USP34: variants seen among roughly 807,000 people sequenced by gnomAD.
USP34 encodes ubiquitin carboxyl-terminal hydrolase 34.
USP34 carries 70 observed loss-of-function variants against 460.3 expected under a neutral mutation model. That is an observed-to-expected ratio of 0.15 (90% CI 0.13 to 0.19). USP34 has a LOEUF of 0.19. USP34 is among the 10% of genes least tolerant of loss of function. USP34 has a pLI of 1.00. For synonymous variants in USP34, 1,647 were observed against 1,405.3 expected (o/e 1.17, Z -3.85); for missense variants, 3,985 against 4,236.2 (o/e 0.94, Z 1.65).
Position 61,407,263 on chromosome 2 carries a change from G to C in USP34, c.132-1135C>G, listed in dbSNP as rs539745253. On this transcript the variant is annotated intron_variant, in intron 2 of 79. Coordinates refer to ENST00000398571, the MANE Select transcript of USP34 (RefSeq NM_014709.4). The stretch of plus-strand genomic sequence containing the variant: ...AAGAATCAGCTAGGCATCGTGGCTT[G>C]TGCCTGTAGTCCCAGCTATTCGAGA... Among the ~76,000 whole-genome samples the C allele has an allele frequency of 1.6e-3, 242 of 152,268 alleles. 1 individual carries two copies. Among genetic ancestry groups the C allele is most frequent in the African/African-American group, 5.4e-3 (224 of 41,550 alleles).
intron 21 of USP34, among the ~76,000 whole-genome samples, chr2:61,321,136 C>T (rs1281797017): frequency 6.6e-6 from 1 of 151,674 alleles, no homozygotes. Context: ...TGATCATGCA[C>T]TTCAGCCTGG....
intron 39 of USP34, among the ~76,000 whole-genome samples, chr2:61,279,008 C>G (rs1359827944): frequency 6.6e-6 from 1 of 151,704 alleles, no homozygotes; most frequent in Non-Finnish European, 1.5e-5. Flanking sequence ...TGAGTCCCCT[C>G]AAAGAAACCC....
intron 14 of USP34, 69 bp downstream of exon 14, chr2:61,348,687 C>A: frequency 2.0e-6 from 3 of 1,536,352 alleles, no homozygotes; most frequent in Non-Finnish European, 1.8e-6. Context: ...GTATATATAC[C>A]CAATTCAAAT....
intron 79 of USP34, 55 bp from the exon 80 acceptor site, chr2:61,188,764 T>C: frequency 6.3e-7 from 1 of 1,583,058 alleles, no homozygotes; most frequent in East Asian, 2.2e-5. Context: ...AAGATCACGT[T>C]AGGGGGGGAT....
chr2:61,398,170 C>T (rs1345567123), intron 3 of USP34, among the ~76,000 whole-genome samples: 2 of 152,084 alleles, frequency 1.3e-5, no homozygotes, highest in Admixed American at 1.3e-4. Context: ...TCAAGACTAG[C>T]CTCGTACTCA....
intron 19 of USP34, among the ~76,000 whole-genome samples, chr2:61,333,583 T>C (rs1326635956): frequency 2.6e-5 from 4 of 152,094 alleles, no homozygotes; most frequent in Non-Finnish European, 1.5e-5. Flanking sequence ...TACTTTAGTG[T>C]GGCTCTTCTT....
intron 33 of USP34, 87 bp downstream of exon 33, chr2:61,293,377 T>C (rs1220044420): frequency 3.3e-5 from 32 of 981,456 alleles, no homozygotes; most frequent in Non-Finnish European, 4.6e-5. Flanking sequence ...AGGAACTATA[T>C]GGCAAAAGCT....
At chr2:61,395,677 T>G (rs900118982) in intron 3 of USP34, among the ~76,000 whole-genome samples, 7 of 146,012 alleles carry the variant, frequency 4.8e-5, no homozygotes, top group Non-Finnish European at 8.9e-5. Flanking sequence ...TCCCAGCTAC[T>G]CGGGAGGCTG....
At chr2:61,257,918 T>C (rs984305060) in intron 44 of USP34, among the ~76,000 whole-genome samples, 86 of 152,192 alleles carry the variant, frequency 5.7e-4, no homozygotes, top group Non-Finnish European at 1.9e-4. Flanking sequence ...CACATCTATA[T>C]TGCAAAGCAT....
At position 61,395,249 on chromosome 2, in the gene USP34, AAAGC is replaced by A. The variant is rs1234246837; in HGVS notation, c.553-20_553-17del. The stretch of plus-strand genomic sequence containing the variant: ...TTGATATATCCTAATTAAAAAAAAA[AAAGC>A]AAGTAAAATTAGGTTACAACTACTA... On this transcript the variant is annotated splice_polypyrimidine_tract_variant and intron_variant, in intron 3 of 79. Transcript: ENST00000398571. 4 of 1,406,776 alleles carry A rather than the reference AAAGC, an allele frequency of 2.8e-6. No homozygotes were observed. Among genetic ancestry groups the A allele is most frequent in the East Asian group, 2.3e-5 (1 of 43,486 alleles). 87.1% of individuals were successfully genotyped at this position (1,406,776 alleles called of 1,614,324 possible).
At chr2:61,342,783 CAA>C (rs1691646849) in intron 16 of USP34, among the ~76,000 whole-genome samples, 1 of 152,136 alleles carries the variant, frequency 6.6e-6, no homozygotes, top group African/African-American at 2.4e-5. Flanking sequence ...ATTCTGTCTA[CAA>C]TGGGTTGTGA....
chr2:61,459,491 C>G (rs981143614), intron 1 of USP34, among the ~76,000 whole-genome samples: 1 of 152,098 alleles, frequency 6.6e-6, no homozygotes, highest in Non-Finnish European at 1.5e-5. Flanking sequence ...TACTTGAAAA[C>G]AGGCCAGGCA....
chr2:61,377,151 G>C (rs1033770791), intron 8 of USP34, among the ~76,000 whole-genome samples: 1 of 152,100 alleles, frequency 6.6e-6, no homozygotes, highest in Admixed American at 6.6e-5. Context: ...AAGAACAACT[G>C]GGAGAATAAG....
At chr2:61,290,243 T>C (rs567530151) in intron 33 of USP34, among the ~76,000 whole-genome samples, 5 of 152,310 alleles carry the variant, frequency 3.3e-5, no homozygotes, top group African/African-American at 9.6e-5. Flanking sequence ...AATTCTCGTA[T>C]GTTGCATAGT....
rs1485771164 is a variant in USP34, at chr2:61,220,421, A to G, written c.7936T>C (p.Leu2646=). 14 of 1,613,692 alleles carry G rather than the reference A, an allele frequency of 8.7e-6. No homozygotes were observed. The highest frequency in any genetic ancestry group is 1.7e-5 in the Admixed American group (1 of 59,940). The change falls in exon 67 of 80, where the codon TTG becomes CTG. Residue 2646 remains leucine (L), a synonymous_variant. Coordinates refer to ENST00000398571, the MANE Select transcript of USP34 (RefSeq NM_014709.4). The part of the protein sequence containing the change: ...EYNPSQCLDW[L]AVQTPRNKLA... ...TTATTTCGGGGTGTCTGCACTGCCA[A>G]CCAATCTAGACACTGAGAAGGATTG...
intron 21 of USP34, among the ~76,000 whole-genome samples, chr2:61,323,183 C>T (rs1385728948): frequency 6.6e-6 from 1 of 152,026 alleles, no homozygotes; most frequent in Non-Finnish European, 1.5e-5. Flanking sequence ...AGTTTCAGAC[C>T]AGGCTGGGCA....
At chr2:61,429,239 A>T (rs1573032643) in intron 1 of USP34, among the ~76,000 whole-genome samples, 1 of 152,128 alleles carries the variant, frequency 6.6e-6, no homozygotes, top group East Asian at 1.9e-4. Context: ...CGAGGTCAGG[A>T]GATCGAGACC....
chr2:61,392,513 A>T (rs1189906865), intron 5 of USP34, among the ~76,000 whole-genome samples: 1 of 152,138 alleles, frequency 6.6e-6, no homozygotes, highest in African/African-American at 2.4e-5. Flanking sequence ...TATCCCAGCT[A>T]CTAGGGAGGC....
At chr2:61,266,871 A>G (rs1033095664) in intron 41 of USP34, among the ~76,000 whole-genome samples, 33 of 152,304 alleles carry the variant, frequency 2.2e-4, no homozygotes, top group African/African-American at 7.5e-4. Context: ...AGCTCCCTAC[A>G]TTGATACAAA....
Sources: allele counts gnomAD v4.1 joint callset (sites outside exome capture counted in the v4.1 genomes callset), GRCh38; gene constraint gnomAD v4.1.1; transcripts MANE v1.5; gene names NCBI Gene and HGNC (gene_info 2026-07-23, HGNC 2026-07-21).